CELF4: variants seen among roughly 807,000 people sequenced by gnomAD.
CELF4 encodes CUG-BP- and ETR-3-like factor 4.
In CELF4, 18 loss-of-function variants were observed where a neutral mutation model predicts 59.9. The ratio of observed to expected loss-of-function variants is 0.30; its 90% CI spans 0.21 to 0.45. The LOEUF is 0.45. Ranked by LOEUF, CELF4 falls within the 20% of genes least tolerant of loss-of-function variation. CELF4 has a pLI of 1.00. For missense variants in CELF4, 456 were observed against 689.0 expected (o/e 0.66, Z 3.79); for synonymous variants, 261 against 267.1 (o/e 0.98, Z 0.22).
chr18:37,433,397 G>A (rs942610628), intron 2 of CELF4, among the ~76,000 whole-genome samples: 2 of 152,056 alleles, frequency 1.3e-5, no homozygotes, highest in East Asian at 3.9e-4. Flanking sequence ...TTCTCTGTGG[G>A]GTCATCATTC....
At chr18:37,347,148 C>T (rs1276142154) in intron 2 of CELF4, among the ~76,000 whole-genome samples, 1 of 152,026 alleles carries the variant, frequency 6.6e-6, no homozygotes, top group East Asian at 1.9e-4. Context: ...AGACAATGGC[C>T]AATACCTCAG....
chr18:37,529,151 G>T (rs936974844), intron 1 of CELF4: 11 of 152,166 alleles, frequency 7.2e-5, no homozygotes, highest in African/African-American at 2.4e-4. Context: ...GTCCTCATCT[G>T]TAAAATGAGG....
chr18:37,315,095 G>T (rs2096821673), intron 3 of CELF4, among the ~76,000 whole-genome samples: 1 of 152,106 alleles, frequency 6.6e-6, no homozygotes, highest in Non-Finnish European at 1.5e-5. Flanking sequence ...GACCCTGGAA[G>T]GTGGTTTTCT....
chr18:37,530,743 G>A (rs2099968700), intron 1 of CELF4, among the ~76,000 whole-genome samples: 1 of 152,096 alleles, frequency 6.6e-6, no homozygotes, highest in African/African-American at 2.4e-5. Flanking sequence ...AGGAGATAAC[G>A]CCCGTGCGGC....
intron 3 of CELF4, among the ~76,000 whole-genome samples, chr18:37,289,588 G>A (rs893591237): frequency 3.3e-5 from 5 of 151,764 alleles, no homozygotes; most frequent in African/African-American, 1.2e-4. Flanking sequence ...CTGCTATCAG[G>A]GACACTGTCA....
chr18:37,506,298 T>C (rs2099937918), intron 1 of CELF4, among the ~76,000 whole-genome samples: 1 of 152,126 alleles, frequency 6.6e-6, no homozygotes. Context: ...AAACTAATTG[T>C]ATAGGCTTGT....
At position 37,489,145 on chromosome 18, in the gene CELF4, C is replaced by T. The variant is rs556567126; in HGVS notation, c.287-3538G>A. 1.1e-3 allele frequency among the ~76,000 whole-genome samples: 174 copies of T among 152,350 alleles called. 1 individual carries two copies. Among genetic ancestry groups the T allele is most frequent in the African/African-American group, 3.9e-3 (164 of 41,588 alleles). ...GAGGCTAACTGGGGCAGTCCCACCC[C>T]GGGCCCTTCCCAGTCCATCTCCAGC... On this transcript the variant is annotated intron_variant, in intron 1 of 12. Transcript: ENST00000420428.
intron 2 of CELF4, among the ~76,000 whole-genome samples, chr18:37,460,890 TAAGGTTTGCTATGGGA>T (rs1227736644): frequency 6.6e-6 from 1 of 152,170 alleles, no homozygotes; most frequent in Non-Finnish European, 1.5e-5. Flanking sequence ...GTGGGTCTCT[TAAGGTTTGCTATGGGA>T]AAGGAAAAAA....
intron 3 of CELF4, among the ~76,000 whole-genome samples, chr18:37,318,897 GATGGCACCTCCTT>G (rs1405561654): frequency 2.0e-5 from 3 of 152,172 alleles, no homozygotes; most frequent in Admixed American, 6.5e-5. Flanking sequence ...CTCCACACCA[GATGGCACCTCCTT>G]ATGGCCCTCA....
At chr18:37,361,636 T>C (rs1489548092) in intron 2 of CELF4, among the ~76,000 whole-genome samples, 1 of 151,884 alleles carries the variant, frequency 6.6e-6, no homozygotes, top group Non-Finnish European at 1.5e-5. Flanking sequence ...CCCACCCAAG[T>C]GTGGAGGTGG....
intron 1 of CELF4, among the ~76,000 whole-genome samples, chr18:37,521,241 G>A (rs1395485094): frequency 3.3e-5 from 5 of 152,146 alleles, no homozygotes; most frequent in Non-Finnish European, 7.3e-5. Context: ...TCCGTGCCAA[G>A]TCTAAGATCG....
chr18:37,533,017 T>G (rs1453001210), intron 1 of CELF4, among the ~76,000 whole-genome samples: 1 of 152,240 alleles, frequency 6.6e-6, no homozygotes, highest in Non-Finnish European at 1.5e-5. Context: ...TTCCCAGAAT[T>G]ATCTGGGTTG....
At chr18:37,511,042 C>T (rs771295847) in intron 1 of CELF4, among the ~76,000 whole-genome samples, 8 of 152,208 alleles carry the variant, frequency 5.3e-5, no homozygotes, top group Non-Finnish European at 1.0e-4. Context: ...AAGGTGCCTT[C>T]CTGTGTCCCC....
chr18:37,297,326 C>T (rs1238865737), intron 3 of CELF4, among the ~76,000 whole-genome samples: 1 of 152,178 alleles, frequency 6.6e-6, no homozygotes, highest in East Asian at 1.9e-4. Context: ...GTAAGCATTG[C>T]TGTCTTCAGA....
At chr18:37,334,783 A>T (rs3865390) in intron 2 of CELF4, among the ~76,000 whole-genome samples, 1 of 151,516 alleles carries the variant, frequency 6.6e-6, no homozygotes, top group African/African-American at 2.4e-5. Context: ...TTAGGCCTGG[A>T]GAGAGCAGGA....
At chr18:37,340,811 C>T (rs1311809778) in intron 2 of CELF4, among the ~76,000 whole-genome samples, 1 of 152,244 alleles carries the variant, frequency 6.6e-6, no homozygotes. Context: ...CTACCAGGCA[C>T]AAGCTACTGG....
chr18:37,503,345 C>G (rs1158617212), intron 1 of CELF4, among the ~76,000 whole-genome samples: 3 of 152,224 alleles, frequency 2.0e-5, no homozygotes, highest in African/African-American at 7.2e-5. Context: ...AGGTTGAGGG[C>G]AGGCTCGGCG....
intron 12 of CELF4, among the ~76,000 whole-genome samples, chr18:37,252,550 C>T (rs2066147411): frequency 6.6e-6 from 1 of 151,676 alleles, no homozygotes; most frequent in East Asian, 1.9e-4. Context: ...TCCCAGCAAC[C>T]CAGTCTCTTG....
intron 1 of CELF4, among the ~76,000 whole-genome samples, chr18:37,551,135 C>T (rs565361418): frequency 1.3e-5 from 2 of 152,204 alleles, no homozygotes; most frequent in South Asian, 2.1e-4. Flanking sequence ...ACACTAGTGA[C>T]GTCCATATCC....
Sources: gnomAD v4.1 joint callset for allele counts (sites outside exome capture counted in the v4.1 genomes callset) on GRCh38, gnomAD v4.1.1 for gene constraint, MANE v1.5 for transcripts, NCBI Gene and HGNC (gene_info 2026-07-23, HGNC 2026-07-21) for gene names.